GOLPH3L: variants seen among roughly 807,000 people sequenced by gnomAD.
GOLPH3L encodes the protein Golgi phosphoprotein 3-like.
In GOLPH3L, 22 loss-of-function variants were observed where a neutral mutation model predicts 30.3. That is an observed-to-expected ratio of 0.73 (90% CI 0.52 to 1.04). The LOEUF (loss-of-function observed/expected upper bound fraction) is 1.04. Among genes scored for constraint, GOLPH3L ranks in the 50% least tolerant of loss-of-function variants. The probability of loss-of-function intolerance (pLI) is 0.00; values close to 1 mark genes in which losing one functional copy is unlikely to be tolerated. For synonymous variants in GOLPH3L, 120 were observed against 128.2 expected (o/e 0.94, Z 0.43); for missense variants, 303 against 345.8 (o/e 0.88, Z 0.98).
At chr1:150,685,874 CTTTTT>C (rs35375244) in intron 2 of GOLPH3L, among the ~76,000 whole-genome samples, 1 of 121,040 alleles carries the variant, frequency 8.3e-6, no homozygotes, top group Non-Finnish European at 1.7e-5. Flanking sequence ...GTAAGTATGT[CTTTTT>C]TTTTTTTTTT....
At chr1:150,649,473 G>A (rs1650056101) in intron 4 of GOLPH3L, among the ~76,000 whole-genome samples, 1 of 152,194 alleles carries the variant, frequency 6.6e-6, no homozygotes, top group African/African-American at 2.4e-5. Flanking sequence ...AGATCTTGGT[G>A]GAGAGCAATT....
chr1:150,673,995 C>A (rs1053843037), intron 2 of GOLPH3L, among the ~76,000 whole-genome samples: 1 of 151,250 alleles, frequency 6.6e-6, no homozygotes, highest in East Asian at 1.9e-4. Flanking sequence ...CCACAACTCA[C>A]GTGATTTTTT....
At chr1:150,650,509 C>T (rs977714610) in intron 4 of GOLPH3L, among the ~76,000 whole-genome samples, 2 of 152,312 alleles carry the variant, frequency 1.3e-5, no homozygotes, top group Admixed American at 6.5e-5. Flanking sequence ...CCCGGCTGCA[C>T]AGCAGGAGGT....
intron 2 of GOLPH3L, among the ~76,000 whole-genome samples, chr1:150,681,903 C>G (rs1650959476): frequency 6.6e-6 from 1 of 151,796 alleles, no homozygotes. Context: ...CCTGTCTCTA[C>G]TAAAAATACA....
chr1:150,678,933 G>T (rs184012113), intron 2 of GOLPH3L, among the ~76,000 whole-genome samples: 3 of 152,196 alleles, frequency 2.0e-5, no homozygotes, highest in African/African-American at 7.2e-5. Context: ...AGGGAGCAAG[G>T]CTCCGTCTCA....
At chr1:150,681,315 C>A (rs940879016) in intron 2 of GOLPH3L, among the ~76,000 whole-genome samples, 1 of 151,980 alleles carries the variant, frequency 6.6e-6, no homozygotes, top group African/African-American at 2.4e-5. Context: ...GATTCCAAAG[C>A]CTGCGCTTTT....
chr1:150,673,926 C>CAAAAAAAAA (rs71086590), intron 2 of GOLPH3L, among the ~76,000 whole-genome samples: 1 of 98,664 alleles, frequency 1.0e-5, no homozygotes. Flanking sequence ...CTCCCATCTC[C>CAAAAAAAAA]AAAAAAAAAA....
At chr1:150,686,798 T>C (rs1007419047) in intron 2 of GOLPH3L, among the ~76,000 whole-genome samples, 1 of 152,150 alleles carries the variant, frequency 6.6e-6, no homozygotes. Flanking sequence ...CATTTGGGGA[T>C]TGGAAGAATT....
At chr1:150,696,936 G>C (rs1651371311) in intron 1 of GOLPH3L, 56 bp downstream of exon 1, 2 of 151,942 alleles carry the variant, frequency 1.3e-5, no homozygotes, top group South Asian at 2.1e-4. Context: ...AAAAAATAGA[G>C]GTTTTTTTTG....
At position 150,663,841 on chromosome 1, in the gene GOLPH3L, C is replaced by T. The variant is rs41266927; in HGVS notation, c.184-78G>A. On this transcript the variant is annotated intron_variant, in intron 2 of 4. Transcript: ENST00000271732. ...TCCAGCAGGCACCCTAAGAACAGGC[C>T]GCTTTGTTGTGATTCGTTTCACATC... 9.5e-3 allele frequency: 11,755 copies of T among 1,239,120 alleles called. 80 individuals carry two copies. The highest frequency in any genetic ancestry group is 0.025 in the Middle Eastern group (130 of 5,198). 76.8% of individuals were successfully genotyped at this position (1,239,120 alleles called of 1,614,324 possible).
At chr1:150,683,824 G>C (rs1651022037) in intron 2 of GOLPH3L, among the ~76,000 whole-genome samples, 1 of 150,120 alleles carries the variant, frequency 6.7e-6, no homozygotes. Flanking sequence ...AGAGTGAGCT[G>C]TCCTTCAGGC....
At chr1:150,671,529 G>T (rs957026279) in intron 2 of GOLPH3L, among the ~76,000 whole-genome samples, 1 of 151,954 alleles carries the variant, frequency 6.6e-6, no homozygotes, top group South Asian at 2.1e-4. Flanking sequence ...AAGAAGGGCC[G>T]GGCGCGGTGG....
intron 2 of GOLPH3L, among the ~76,000 whole-genome samples, chr1:150,690,116 A>G (rs1243331738): frequency 6.6e-6 from 1 of 151,956 alleles, no homozygotes; most frequent in Admixed American, 6.6e-5. Flanking sequence ...TCTCCCAAGT[A>G]GCTGAAACTG....
rs1651035227 is a variant in GOLPH3L at position 150,684,367 on chromosome 1, A to G, written c.183+10289T>C. On this transcript the variant is annotated intron_variant, in intron 2 of 4. Transcript: ENST00000271732. The stretch of plus-strand genomic sequence containing the variant: ...TTTTTAATGTTTTATTTATTTTTAG[A>G]GACAGGGTCTCACTATGTTGCCTAG... Among the ~76,000 whole-genome samples, 3 of 152,126 alleles carry G rather than the reference A, an allele frequency of 2.0e-5. No individual in the cohort carries two copies. The South Asian group carries it at 6.2e-4, about 32-fold the overall frequency.
chr1:150,675,993 T>TCC (rs926268654), intron 2 of GOLPH3L, among the ~76,000 whole-genome samples: 2 of 144,598 alleles, frequency 1.4e-5, no homozygotes, highest in Admixed American at 7.0e-5. Flanking sequence ...TTTTTGTGTC[T>TCC]CCCTTTGTCA....
At chr1:150,662,720 T>A (rs903596020) in intron 3 of GOLPH3L, among the ~76,000 whole-genome samples, 2 of 151,992 alleles carry the variant, frequency 1.3e-5, no homozygotes, top group Non-Finnish European at 2.9e-5. Context: ...GAGAATAAGA[T>A]AATAACAAAG....
intron 2 of GOLPH3L, among the ~76,000 whole-genome samples, chr1:150,686,243 C>T (rs1193866125): frequency 1.3e-5 from 2 of 152,092 alleles, no homozygotes; most frequent in Non-Finnish European, 2.9e-5. Flanking sequence ...GAGACAGAGT[C>T]GTGCTCTGTG....
rs187600974 is a variant in GOLPH3L at position 150,673,680 on chromosome 1, G to A, written c.184-9917C>T. Among the ~76,000 whole-genome samples the A allele has an allele frequency of 8.7e-3, 1,329 of 152,198 alleles. 16 individuals carry two copies. Among genetic ancestry groups the A allele is most frequent in the South Asian group, 0.012 (60 of 4,828 alleles). ...TCAGTGGCTCACGCCAGTAATCCTA[G>A]TACTTTGGGAGGCCAAGGTGGGAGT... On this transcript the variant is annotated intron_variant, in intron 2 of 4. Transcript: ENST00000271732.
At chr1:150,678,068 T>C (rs952818581) in intron 2 of GOLPH3L, among the ~76,000 whole-genome samples, 3 of 151,288 alleles carry the variant, frequency 2.0e-5, no homozygotes, top group Non-Finnish European at 4.4e-5. Context: ...GGGAGGCTGA[T>C]GTGGGCGGAT....
Sources: gnomAD v4.1 joint callset for allele counts (sites outside exome capture counted in the v4.1 genomes callset) on GRCh38, gnomAD v4.1.1 for gene constraint, MANE v1.5 for transcripts, NCBI Gene and HGNC (gene_info 2026-07-23, HGNC 2026-07-21) for gene names.